Variants in CES5A observed in about 807,000 individuals in gnomAD.
CES5A encodes carboxylesterase 5A.
CES5A carries 67 observed loss-of-function variants against 62.9 expected under a neutral mutation model. The ratio of observed to expected loss-of-function variants is 1.07; its 90% CI spans 0.88 to 1.31. The LOEUF (loss-of-function observed/expected upper bound fraction) is 1.31. CES5A is among the 50% of genes most tolerant of loss of function. The pLI is 0.00. For missense variants in CES5A, 748 were observed against 708.5 expected (o/e 1.06, Z -0.63); for synonymous variants, 296 against 280.8 (o/e 1.05, Z -0.54).
chr16:55,859,469 G>T, intron 8 of CES5A, 78 bp downstream of exon 8: 1 of 1,426,374 alleles, frequency 7.0e-7, no homozygotes, highest in Admixed American at 1.8e-5. Context: ...GATGTCTTCT[G>T]TGGAAATGCC....
chr16:55,924,681 C>T (rs115597517), intron 1 of CES5A, among the ~76,000 whole-genome samples: 150 of 152,088 alleles, frequency 9.9e-4, no homozygotes, highest in African/African-American at 3.4e-3. Context: ...TATTTCAAAG[C>T]AATTGTAACT....
At chr16:55,949,481 G>A (rs762364783) in intron 2 of CES5A, among the ~76,000 whole-genome samples, 15 of 152,070 alleles carry the variant, frequency 9.9e-5, no homozygotes, top group Non-Finnish European at 1.3e-4. Flanking sequence ...TGATCTAGGT[G>A]GCACATCACA....
Position 55,940,725 on chromosome 16 carries a change from C to T in CES5A, c.160+9060G>A, listed in dbSNP as rs564884118. Among the ~76,000 whole-genome samples, 16 of 151,862 alleles carry T rather than the reference C, an allele frequency of 1.1e-4. No homozygotes were observed. In the East Asian group the frequency reaches 3.1e-3, roughly 29 times the overall value. The stretch of plus-strand genomic sequence containing the variant: ...TACAAAAATAGCGACAAATAGAAAA[C>T]TGCAGACTAATATCCTTCATAAATA... On this transcript the variant is annotated intron_variant, in intron 2 of 13. Transcript: ENST00000521992.
At chr16:55,854,823 T>A (rs1160546421) in intron 9 of CES5A, among the ~76,000 whole-genome samples, 3 of 152,070 alleles carry the variant, frequency 2.0e-5, no homozygotes. Flanking sequence ...TGAGCCACCA[T>A]GCCCAGTTTC....
Position 55,856,485 on chromosome 16 carries a change from T to G in CES5A, c.1057-40A>C, listed in dbSNP as rs757683903. 6.9e-6 allele frequency: 11 copies of G among 1,600,780 alleles called. No homozygotes were observed. The Admixed American group carries it at 1.3e-4, about 19-fold the overall frequency. ...GTGCCCTCTGTAAGCCATCTGGTCA[T>G]GAGAAGGTAAACCCATCTCCCCAAG... On this transcript the variant is annotated intron_variant, in intron 8 of 12. Coordinates refer to ENST00000290567, the MANE Select transcript of CES5A (RefSeq NM_001143685.2).
At chr16:55,949,559 C>G (rs1241901202) in intron 2 of CES5A, among the ~76,000 whole-genome samples, 1 of 152,210 alleles carries the variant, frequency 6.6e-6, no homozygotes, top group Non-Finnish European at 1.5e-5. Context: ...CATCTCTTCT[C>G]CTGCACTAAT....
chr16:55,874,355 G>A (rs939893263), intron 1 of CES5A, among the ~76,000 whole-genome samples: 5 of 152,072 alleles, frequency 3.3e-5, no homozygotes, highest in African/African-American at 7.2e-5. Flanking sequence ...GACATATACC[G>A]AACTCTGTAG....
chr16:55,873,662 A>G (rs778294493), intron 2 of CES5A, among the ~76,000 whole-genome samples, 171 bp downstream of exon 2: 7 of 152,162 alleles, frequency 4.6e-5, no homozygotes, highest in Non-Finnish European at 8.8e-5. Flanking sequence ...CCTGGCCATC[A>G]GCCAGTTTAG....
chr16:55,876,963 G>A (rs2033703015), upstream of CES5A, among the ~76,000 whole-genome samples: 1 of 152,192 alleles, frequency 6.6e-6, no homozygotes, highest in Non-Finnish European at 1.5e-5. Flanking sequence ...TGAGCACTGG[G>A]CAGGGTGAGG....
At chr16:55,917,039 C>T (rs2034154226) in intron 1 of CES5A, among the ~76,000 whole-genome samples, 2 of 152,222 alleles carry the variant, frequency 1.3e-5, no homozygotes, top group Non-Finnish European at 2.9e-5. Context: ...TGCCCATTCA[C>T]TCTGCTAAAT....
intron 1 of CES5A, among the ~76,000 whole-genome samples, chr16:55,899,952 T>G (rs914778467): frequency 6.6e-6 from 1 of 152,228 alleles, no homozygotes; most frequent in African/African-American, 2.4e-5. Flanking sequence ...GAGAGGGTTC[T>G]GAAGAATTTT....
intron 2 of CES5A, among the ~76,000 whole-genome samples, chr16:55,937,174 A>C (rs1455627008): frequency 6.6e-6 from 1 of 151,886 alleles, no homozygotes; most frequent in Non-Finnish European, 1.5e-5. Context: ...AGATCTGTGC[A>C]TTTTAGTAAA....
upstream of CES5A, among the ~76,000 whole-genome samples, chr16:55,928,444 G>A (rs1177779195): frequency 6.6e-6 from 1 of 151,884 alleles, no homozygotes; most frequent in East Asian, 1.9e-4. Flanking sequence ...GGGGATAAGG[G>A]ACAAAAAAAT....
upstream of CES5A, among the ~76,000 whole-genome samples, chr16:55,876,312 T>C (rs1394395534): frequency 6.6e-6 from 1 of 152,250 alleles, no homozygotes; most frequent in African/African-American, 2.4e-5. Flanking sequence ...AAATTGTATC[T>C]ACCTAGTGCA....
At chr16:55,868,976 G>A (rs1402492465) in intron 4 of CES5A, among the ~76,000 whole-genome samples, 1 of 152,220 alleles carries the variant, frequency 6.6e-6, no homozygotes, top group African/African-American at 2.4e-5. Flanking sequence ...TTCAGTGAAA[G>A]CCCAGTACAT....
chr16:55,900,997 C>T (rs1461029376), intron 1 of CES5A, among the ~76,000 whole-genome samples: 1 of 152,174 alleles, frequency 6.6e-6, no homozygotes, highest in African/African-American at 2.4e-5. Flanking sequence ...CTCTCTCATA[C>T]CTAGGCCAGG....
chr16:55,923,073 A>G (rs1349056644), intron 1 of CES5A, among the ~76,000 whole-genome samples: 1 of 150,658 alleles, frequency 6.6e-6, no homozygotes, highest in Non-Finnish European at 1.5e-5. Flanking sequence ...GTAAACACTT[A>G]TATTTAAAAA....
intron 9 of CES5A, among the ~76,000 whole-genome samples, chr16:55,855,177 C>T (rs1346854690): frequency 6.6e-6 from 1 of 152,212 alleles, no homozygotes; most frequent in Non-Finnish European, 1.5e-5. Context: ...CTCTGTCCAC[C>T]CCACATTGCA....
At chr16:55,866,223 C>T (rs1468820126) in intron 4 of CES5A, 107 bp from the exon 5 acceptor site, 26 of 1,055,988 alleles carry the variant, frequency 2.5e-5, no homozygotes, top group Middle Eastern at 3.1e-4. Flanking sequence ...GGGGAGGGGG[C>T]GGAGAGTCAG....
Sources: gnomAD v4.1 joint callset for allele counts (sites outside exome capture counted in the v4.1 genomes callset) on GRCh38, gnomAD v4.1.1 for gene constraint, MANE v1.5 for transcripts, NCBI Gene and HGNC (gene_info 2026-07-23, HGNC 2026-07-21) for gene names.